The following LRIF1 variants were observed in gnomAD, a reference collection of about 807,000 sequenced individuals.
The protein encoded by LRIF1 is ligand dependent nuclear receptor interacting factor 1.
Under a neutral mutation model 52.7 loss-of-function variants are expected in LRIF1, and 32 were observed. The observed-to-expected ratio is 0.61, with a 90% CI of 0.46 to 0.82. The LOEUF is 0.82. LRIF1 is among the 40% of genes least tolerant of loss of function. The pLI is 0.00. For synonymous variants in LRIF1, 323 were observed against 317.4 expected (o/e 1.02, Z -0.19); for missense variants, 887 against 892.0 (o/e 0.99, Z 0.07).
At chr1:110,934,187 T>C in the LRIF1 span, among the ~76,000 whole-genome samples, 1 of 152,130 alleles carries the variant, frequency 6.6e-6, no homozygotes, top group Non-Finnish European at 1.5e-5. Flanking sequence ...TTACTAGCAG[T>C]GATACCCAGG....
downstream of LRIF1, chr1:110,942,236 C>T (rs1658112601): frequency 6.6e-6 from 1 of 152,098 alleles, no homozygotes; most frequent in Admixed American, 6.5e-5. Flanking sequence ...TTTCCCACAG[C>T]CTTCCCAACA....
chr1:110,926,236 T>C, the LRIF1 span, among the ~76,000 whole-genome samples: 1 of 152,006 alleles, frequency 6.6e-6, no homozygotes, highest in African/African-American at 2.4e-5. Context: ...CTATCAAATA[T>C]AAAGACATAA....
At position 110,952,937 on chromosome 1, in the gene LRIF1, T is replaced by A. The variant is rs1285964027; in HGVS notation, c.69-122A>T. Reference sequence around the variant, plus strand: ...AAAGTATATAATTTTCCATTTTGAGTTTTTAAAGTGAAAGACTGCAAAACA... The same window carrying A: ...AAAGTATATAATTTTCCATTTTGAGATTTTAAAGTGAAAGACTGCAAAACA... On this transcript the variant is annotated intron_variant, in intron 1 of 3. Transcript: ENST00000369763. 4 of 528,460 alleles carry A rather than the reference T, an allele frequency of 7.6e-6. No individual in the cohort carries two copies. In the Admixed American group the frequency reaches 1.9e-4, roughly 25 times the overall value. 32.7% of individuals were successfully genotyped at this position (528,460 alleles called of 1,614,324 possible). A position where few individuals can be genotyped will look rare whatever the true frequency, so the allele number is the denominator to read the frequency against.
At position 110,951,745 on chromosome 1, in the gene LRIF1, T is replaced by C. The variant is rs754324400; in HGVS notation, c.1139A>G (p.Asp380Gly). The C allele has an allele frequency of 8.7e-6, 14 of 1,613,452 alleles. No homozygotes were observed. The highest frequency in any genetic ancestry group is 4.2e-6 in the Non-Finnish European group (5 of 1,180,008). Residue 380 changes from aspartate (D) to glycine (G), a missense_variant, in exon 2 of 4, where the codon GAC becomes GGC. Transcript: ENST00000369763. The part of the protein sequence containing the change: ...KGTDVLPSQI[D>G]QQNSVSPDTP... ...ATCAGGAGAAACAGAATTCTGTTGG[T>C]CAATTTGTGATGGCAGAACATCTGT...
At chr1:110,885,173 T>C in the LRIF1 span, among the ~76,000 whole-genome samples, 7 of 152,336 alleles carry the variant, frequency 4.6e-5, no homozygotes, top group South Asian at 1.2e-3. Context: ...CTCTACACTA[T>C]TATTATCATA....
At chr1:110,952,954 TGCAA>T in intron 1 of LRIF1, 139 bp from the exon 2 acceptor site, 2 of 388,218 alleles carry the variant, frequency 5.2e-6, no homozygotes, top group South Asian at 2.6e-4. Context: ...AGTGAAAGAC[TGCAA>T]AACAAATATT....
At chr1:110,901,477 C>CTTTTTTT in the LRIF1 span, among the ~76,000 whole-genome samples, 4 of 115,880 alleles carry the variant, frequency 3.5e-5, 1 homozygote, top group Non-Finnish European at 5.2e-5. Context: ...CGCACCCGGC[C>CTTTTTTT]TTTTTTTTTT....
the LRIF1 span, among the ~76,000 whole-genome samples, chr1:110,931,285 T>G: frequency 6.6e-6 from 1 of 152,192 alleles, no homozygotes; most frequent in Non-Finnish European, 1.5e-5. Context: ...GTTTCCAGCT[T>G]CATCCATGTT....
chr1:110,893,314 G>A, the LRIF1 span, among the ~76,000 whole-genome samples: 4 of 151,902 alleles, frequency 2.6e-5, no homozygotes, highest in Non-Finnish European at 5.9e-5. Context: ...TTTTTGTTTT[G>A]TTTTTTTCTT....
the LRIF1 span, among the ~76,000 whole-genome samples, chr1:110,883,991 T>A: frequency 2.6e-5 from 4 of 152,004 alleles, no homozygotes; most frequent in African/African-American, 9.7e-5. Context: ...GTGGGGTTTT[T>A]AAAATTGTTC....
chr1:110,918,116 C>G, the LRIF1 span, among the ~76,000 whole-genome samples: 1 of 151,984 alleles, frequency 6.6e-6, no homozygotes, highest in Admixed American at 6.6e-5. Context: ...CTAAAAACAC[C>G]TACCTCCCCT....
Position 110,951,702 on chromosome 1 carries a change from G to T in LRIF1, c.1182C>A (p.Asp394Glu). 1 of 1,613,950 alleles carries T rather than the reference G, an allele frequency of 6.2e-7. No individual in the cohort carries two copies. The highest frequency in any genetic ancestry group is 8.5e-7 in the Non-Finnish European group (1 of 1,180,010). The stretch of plus-strand genomic sequence containing the variant: ...GACTTGAACTCACTGTCTGTAACGT[G>T]TCTTTTCTTACTGGAGTATCAGGAG... ...SVSPDTPVRKDTLQTVSSSPV... is the reference protein window; with the variant it reads ...SVSPDTPVRKETLQTVSSSPV... Residue 394 changes from aspartate (D) to glutamate (E), a missense_variant, in exon 2 of 4, where the codon GAC (aspartate) becomes GAA (glutamate). Coordinates refer to ENST00000369763, the MANE Select transcript of LRIF1 (RefSeq NM_018372.4).
chr1:110,946,010 A>G (rs1248600114), downstream of LRIF1, among the ~76,000 whole-genome samples: 1 of 152,210 alleles, frequency 6.6e-6, no homozygotes, highest in Non-Finnish European at 1.5e-5. Context: ...TACCCAAGAG[A>G]ACTGAAAATA....
chr1:110,951,005 T>A (rs1438390532), intron 2 of LRIF1, among the ~76,000 whole-genome samples: 3 of 152,202 alleles, frequency 2.0e-5, no homozygotes, highest in Non-Finnish European at 4.4e-5. Context: ...CTTCCCCAAC[T>A]CTTCTAAACC....
At chr1:110,930,302 GA>G in the LRIF1 span, among the ~76,000 whole-genome samples, 1 of 152,120 alleles carries the variant, frequency 6.6e-6, no homozygotes, top group Non-Finnish European at 1.5e-5. Flanking sequence ...CTCATGATTG[GA>G]AATTGTAATA....
chr1:110,891,405 C>T, the LRIF1 span: 9 of 1,611,582 alleles, frequency 5.6e-6, no homozygotes, highest in South Asian at 1.1e-5. Context: ...AAGAATATCA[C>T]GGCATGGGCA....
At chr1:110,877,383 G>A in the LRIF1 span, among the ~76,000 whole-genome samples, 9 of 152,166 alleles carry the variant, frequency 5.9e-5, no homozygotes, top group African/African-American at 1.4e-4. Context: ...GCCTCTAGCC[G>A]AGGGACCCCG....
chr1:110,885,050 T>A, the LRIF1 span, among the ~76,000 whole-genome samples: 5 of 152,312 alleles, frequency 3.3e-5, no homozygotes, highest in African/African-American at 1.2e-4. Context: ...TTTCTCTTTT[T>A]CTGGCTTCTT....
At chr1:110,896,678 C>G in the LRIF1 span, 1 of 1,613,406 alleles carries the variant, frequency 6.2e-7, no homozygotes, top group Non-Finnish European at 8.5e-7. Flanking sequence ...ATAAATGGCA[C>G]GAGTGATTGG....
Sources: gnomAD v4.1 joint callset for allele counts (sites outside exome capture counted in the v4.1 genomes callset) on GRCh38, gnomAD v4.1.1 for gene constraint, MANE v1.5 for transcripts, NCBI Gene and HGNC (gene_info 2026-07-23, HGNC 2026-07-21) for gene names.